PCDHGA1: variants seen among roughly 807,000 people sequenced by gnomAD.
PCDHGA1 encodes the protein protocadherin gamma-A1.
A neutral mutation model predicts 58.0 loss-of-function variants in PCDHGA1; 32 were observed. That is an observed-to-expected ratio of 0.55 (90% confidence interval 0.42 to 0.74). PCDHGA1 has a LOEUF of 0.74. Ranked by LOEUF, PCDHGA1 falls within the 30% of genes least tolerant of loss-of-function variation. The pLI is 0.00. For synonymous variants in PCDHGA1, 498 were observed against 501.1 expected (o/e 0.99, Z 0.08); for missense variants, 1,205 against 1,182.3 (o/e 1.02, Z -0.28).
chr5:141,383,020 A>T (rs1778718840), intron 1 of PCDHGA1: 1 of 1,613,730 alleles, frequency 6.2e-7, no homozygotes, highest in African/African-American at 1.3e-5. Context: ...GGAGACGGAC[A>T]AAGGGTCCTT....
In PCDHGA1 at chr5:141,491,144, TGGA is replaced by T. The variant is rs757881044; in HGVS notation, c.2422-3659_2422-3657del. ...GAGGTGCGCACAGCCCGGGCCTTAC[TGGA>T]GGATGACTCTGACACCCAGCAGGTG... On this transcript the variant is annotated intron_variant, in intron 1 of 3. Coordinates refer to ENST00000517417, the MANE Select transcript of PCDHGA1 (RefSeq NM_018912.3). This position sits in a 1 kb window ranked among gnomAD's most constrained non-coding sequence, Gnocchi z 6.9. The T allele has an allele frequency of 1.2e-6, 2 of 1,614,158 alleles. No individual in the cohort carries two copies. The highest frequency in any genetic ancestry group is 2.2e-5 in the South Asian group (2 of 91,086).
intron 1 of PCDHGA1, chr5:141,478,104 CTG>C: frequency 6.2e-7 from 1 of 1,614,118 alleles, no homozygotes; most frequent in Middle Eastern, 1.6e-4. Context: ...GCTACCCTCA[CTG>C]TGTCAGTAAC....
intron 1 of PCDHGA1, chr5:141,355,328 C>T: frequency 6.2e-7 from 1 of 1,613,960 alleles, no homozygotes; most frequent in East Asian, 2.2e-5. Flanking sequence ...GAAGAAGGCT[C>T]AGTGGTGGGC....
At chr5:141,460,159 T>A (rs1313260289) in intron 1 of PCDHGA1, among the ~76,000 whole-genome samples, 3 of 152,260 alleles carry the variant, frequency 2.0e-5, no homozygotes, top group Non-Finnish European at 1.5e-5. Context: ...CTTTGTCACA[T>A]ACATATTTTG....
In PCDHGA1 at chr5:141,351,797, C is replaced by T. The variant is rs773768523; in HGVS notation, c.2421+18692C>T. The T allele has an allele frequency of 2.4e-5, 39 of 1,613,244 alleles. No individual in the cohort carries two copies. In the Admixed American group the frequency reaches 5.3e-4, roughly 22 times the overall value. On this transcript the variant is annotated intron_variant, in intron 1 of 3. Coordinates refer to ENST00000517417, the MANE Select transcript of PCDHGA1 (RefSeq NM_018912.3). The stretch of plus-strand genomic sequence containing the variant: ...CCCGCAGAGCGGGGTGGTGTTCGCG[C>T]AGCGCGCCTTCGACCACGAGCAGCT...
intron 1 of PCDHGA1, chr5:141,417,676 C>A (rs902104404): frequency 4.0e-6 from 4 of 993,448 alleles, no homozygotes; most frequent in Middle Eastern, 3.3e-4. Flanking sequence ...GCGCAGCCAA[C>A]AACAGAAAAG....
intron 1 of PCDHGA1, among the ~76,000 whole-genome samples, chr5:141,456,187 A>G (rs989106132): frequency 3.9e-5 from 6 of 152,084 alleles, no homozygotes; most frequent in African/African-American, 1.4e-4. Flanking sequence ...TAATTTCTTA[A>G]TAACTCCTAC....
At chr5:141,408,070 T>C (rs1413400462) in intron 1 of PCDHGA1, 3 of 1,381,930 alleles carry the variant, frequency 2.2e-6, no homozygotes, top group Non-Finnish European at 2.9e-6. Context: ...TGCGCAGACC[T>C]TTCCCAGCAC....
intron 1 of PCDHGA1, chr5:141,405,444 G>C: frequency 7.2e-7 from 1 of 1,379,466 alleles, no homozygotes; most frequent in Non-Finnish European, 1.0e-6. Flanking sequence ...TTTTGAGACA[G>C]AGTCTTACTC....
intron 1 of PCDHGA1, chr5:141,357,688 C>A (rs1173452937): frequency 6.4e-7 from 1 of 1,562,844 alleles, no homozygotes; most frequent in South Asian, 1.2e-5. Flanking sequence ...AAATGTCTCT[C>A]ATTTTATATG....
At chr5:141,454,428 CAG>C (rs1412897540) in intron 1 of PCDHGA1, among the ~76,000 whole-genome samples, 1 of 152,172 alleles carries the variant, frequency 6.6e-6, no homozygotes, top group Admixed American at 6.5e-5. Flanking sequence ...TATTTAGAGA[CAG>C]AGTTTCACTC....
Position 141,489,172 on chromosome 5 carries a change from T to G in PCDHGA1, c.2422-5635T>G. 1 of 1,199,026 alleles carries G rather than the reference T, an allele frequency of 8.3e-7. No individual in the cohort carries two copies. Among genetic ancestry groups the G allele is most frequent in the East Asian group, 2.4e-5 (1 of 42,106 alleles). The allele number at this position is 1,199,026 out of a possible 1,614,324, so 74.3% of individuals were successfully genotyped here. ...ACATAAGAGACTTCAGCTGCTGCATTCCAAGCCCTGGGTCTACCTTGGAGA... is the reference window on the plus strand; with the variant it reads ...ACATAAGAGACTTCAGCTGCTGCATGCCAAGCCCTGGGTCTACCTTGGAGA... On this transcript the variant is annotated intron_variant, in intron 1 of 3. Coordinates refer to ENST00000517417, the MANE Select transcript of PCDHGA1 (RefSeq NM_018912.3). This position sits in a 1 kb window ranked among gnomAD's most constrained non-coding sequence, Gnocchi z 4.5.
intron 1 of PCDHGA1, among the ~76,000 whole-genome samples, chr5:141,387,209 T>C (rs911946032): frequency 1.3e-5 from 2 of 152,170 alleles, no homozygotes; most frequent in African/African-American, 4.8e-5. Flanking sequence ...ACTGATACTC[T>C]CCGGAAAAAG....
In PCDHGA1 at chr5:141,476,352, T is replaced by C. The variant is rs2099389565; in HGVS notation, c.2422-18455T>C. The C allele has an allele frequency of 1.2e-6, 2 of 1,613,826 alleles. No individual in the cohort carries two copies. Among genetic ancestry groups the C allele is most frequent in the African/African-American group, 1.3e-5 (1 of 74,852 alleles). On this transcript the variant is annotated intron_variant, in intron 1 of 3. Transcript: ENST00000517417. The surrounding 1 kb of genome is among the most constrained non-coding windows in gnomAD (Gnocchi z 7.6). ...GGAGCTAGCCGAAGATTCTTTGAGG[T>C]GAACCGGGAGACCGGAGAGATGTTT...
rs768367034 is a variant in PCDHGA1 at position 141,360,834 on chromosome 5, G to A, written c.2421+27729G>A. On this transcript the variant is annotated intron_variant, in intron 1 of 3. Transcript: ENST00000517417. ...CGACCCAAATCCGAATCAAAGTCAC[G>A]GATGCCAACGATAACCCTCCAGTGT... 5 of 1,613,800 alleles carry A rather than the reference G, an allele frequency of 3.1e-6. No individual in the cohort carries two copies. The African/African-American group carries it at 6.7e-5, about 22-fold the overall frequency.
At chr5:141,351,676 C>T in intron 1 of PCDHGA1, 1 of 1,614,012 alleles carries the variant, frequency 6.2e-7, no homozygotes, top group Non-Finnish European at 8.5e-7. Context: ...AAGTAAGCGC[C>T]TCCGACCCGG....
At chr5:141,356,635 C>T in intron 1 of PCDHGA1, 2 of 1,614,140 alleles carry the variant, frequency 1.2e-6, no homozygotes, top group Middle Eastern at 1.6e-4. Flanking sequence ...TGCTCAAGAC[C>T]CTGACAGTGG....
intron 1 of PCDHGA1, among the ~76,000 whole-genome samples, chr5:141,386,272 C>T (rs997122540): frequency 1.3e-5 from 2 of 152,150 alleles, no homozygotes; most frequent in African/African-American, 2.4e-5. Context: ...TAACTACTTC[C>T]ATATTCTTTT....
chr5:141,379,623 A>G (rs1775713746), intron 1 of PCDHGA1: 1 of 152,198 alleles, frequency 6.6e-6, no homozygotes, highest in African/African-American at 2.4e-5. Flanking sequence ...AACAAATAAA[A>G]TATTTCTCTG....
Sources: gnomAD v4.1 joint callset for allele counts (sites outside exome capture counted in the v4.1 genomes callset) on GRCh38, gnomAD v4.1.1 for gene constraint, Gnocchi (gnomAD v3.1) non-coding constraint, MANE v1.5 for transcripts, NCBI Gene and HGNC (gene_info 2026-07-23, HGNC 2026-07-21) for gene names.